ADGRG1: variants seen among roughly 807,000 people sequenced by gnomAD.
ADGRG1 encodes the protein 7-transmembrane protein with no EGF-like N-terminal domains-1.
In ADGRG1, 53 loss-of-function variants were observed where a neutral mutation model predicts 73.5. The ratio of observed to expected loss-of-function variants is 0.72; its 90% CI spans 0.58 to 0.91. ADGRG1 has a LOEUF of 0.91. ADGRG1 is among the 40% of genes least tolerant of loss of function. The pLI, the probability that ADGRG1 is intolerant of heterozygous loss-of-function variation, is 0.00. For missense variants in ADGRG1, 795 were observed against 871.8 expected (o/e 0.91, Z 1.11); for synonymous variants, 394 against 374.4 (o/e 1.05, Z -0.60).
At chr16:57,659,898 C>T (rs1001167608) in intron 11 of ADGRG1, among the ~76,000 whole-genome samples, 5 of 152,192 alleles carry the variant, frequency 3.3e-5, no homozygotes, top group Non-Finnish European at 5.9e-5. Flanking sequence ...TTCTCCACAT[C>T]ACTCACTCCA....
intron 1 of ADGRG1, chr16:57,632,955 A>T: frequency 1.0e-6 from 1 of 985,360 alleles, no homozygotes; most frequent in Non-Finnish European, 1.2e-6. Flanking sequence ...ACTGCAAAAC[A>T]AGGAACAGTG....
chr16:57,629,950 G>T, intron 1 of ADGRG1: 1 of 967,512 alleles, frequency 1.0e-6, no homozygotes, highest in Non-Finnish European at 1.2e-6. Flanking sequence ...ATGGGTCAAG[G>T]CAGGGGCCTC....
rs1000626188 is a variant in ADGRG1 at position 57,629,046 on chromosome 16, G to C, written c.-36+244G>C. On this transcript the variant is annotated intron_variant, in intron 1 of 13. Transcript: ENST00000562631. ...CGTTTGAGTGTGAGAGTGTGAGTGA[G>C]TGTGTGTGAGTATGAGTGTGAGTGT... The C allele has an allele frequency of 9.9e-6, 5 of 503,778 alleles. No individual in the cohort carries two copies. In the African/African-American group the frequency reaches 1.2e-4, roughly 12 times the overall value. The allele number at this position is 503,778 out of a possible 1,614,324, so 31.2% of individuals were successfully genotyped here. A position where few individuals can be genotyped will look rare whatever the true frequency, so the allele number is the denominator to read the frequency against.
At position 57,652,871 on chromosome 16, in the gene ADGRG1, C is replaced by T. The variant is rs1360090253; in HGVS notation, c.488-332C>T. On this transcript the variant is annotated intron_variant, in intron 3 of 13. Transcript: ENST00000562631. ...GAGTCCCAGGAACCACCACCAAGCC[C>T]CGCACATCCCTCCTAAGGAGGCCTG... The T allele has an allele frequency of 3.4e-6, 4 of 1,176,702 alleles. No individual in the cohort carries two copies. In the African/African-American group the frequency reaches 6.4e-5, roughly 19 times the overall value. 72.9% of individuals were successfully genotyped at this position (1,176,702 alleles called of 1,614,324 possible).
chr16:57,641,803 G>T (rs140860620), intron 1 of ADGRG1: 6 of 164,560 alleles, frequency 3.6e-5, no homozygotes, highest in East Asian at 3.8e-4. Flanking sequence ...GGCCTCAAAT[G>T]ATCTGCCCAC....
chr16:57,644,043 C>A, intron 1 of ADGRG1: 1 of 985,350 alleles, frequency 1.0e-6, no homozygotes, highest in Non-Finnish European at 1.2e-6. Context: ...GGAGGGTCCT[C>A]TCAGACGCCA....
chr16:57,629,128 C>T (rs1367308403), intron 1 of ADGRG1: 1 of 973,904 alleles, frequency 1.0e-6, no homozygotes, highest in Admixed American at 6.3e-5. Context: ...GCACGGGTGG[C>T]TGTTGGACAG....
chr16:57,633,028 C>A, intron 1 of ADGRG1: 1 of 840,744 alleles, frequency 1.2e-6, no homozygotes, highest in Non-Finnish European at 1.4e-6. Flanking sequence ...GGTCTCTGTC[C>A]TCCTAGTACC....
chr16:57,649,286 C>G (rs2043440808), intron 1 of ADGRG1, among the ~76,000 whole-genome samples: 1 of 152,156 alleles, frequency 6.6e-6, no homozygotes, highest in Non-Finnish European at 1.5e-5. Context: ...ACTGTCCATC[C>G]CCACAGCCTT....
chr16:57,643,458 C>G (rs1174410698), intron 1 of ADGRG1: 1 of 585,098 alleles, frequency 1.7e-6, no homozygotes, highest in African/African-American at 2.0e-5. Context: ...CCCTTTGTCA[C>G]TCTTCCCACA....
At chr16:57,650,402 C>A in intron 2 of ADGRG1, 51 bp downstream of exon 2, 1 of 1,610,620 alleles carries the variant, frequency 6.2e-7, no homozygotes. Context: ...GTTAAAATGC[C>A]CCTGTGCCTA....
rs57711689 is a variant in ADGRG1 at position 57,649,057 on chromosome 16, G to T, written c.-35-1196G>T. 0.018 allele frequency among the ~76,000 whole-genome samples: 2,758 copies of T among 152,318 alleles called. 189 individuals are homozygous for T. In the East Asian group the frequency reaches 0.23, roughly 13 times the overall value. On this transcript the variant is annotated intron_variant, in intron 1 of 13. Coordinates refer to ENST00000562631, the MANE Select transcript of ADGRG1 (RefSeq NM_201525.4). ...ACACAGAGGCTGGCAGATAGTAGCC[G>T]CTCAGCTAATAGAGAGCTTAGGGGG...
At chr16:57,647,335 G>A (rs1289882099) in intron 1 of ADGRG1, 23 of 983,478 alleles carry the variant, frequency 2.3e-5, no homozygotes, top group Non-Finnish European at 2.5e-5. Context: ...GTGCTCTGGT[G>A]GGTGAGCTGG....
intron 1 of ADGRG1, chr16:57,645,331 C>A: frequency 1.0e-6 from 1 of 985,310 alleles, no homozygotes; most frequent in Non-Finnish European, 1.2e-6. Context: ...AGATTGCCTC[C>A]GGGGCTCCCT....
chr16:57,651,881 C>T, intron 3 of ADGRG1: 1 of 1,420,828 alleles, frequency 7.0e-7, no homozygotes, highest in Non-Finnish European at 9.2e-7. Context: ...GATGGAAGGG[C>T]AAGGGCCCGT....
rs1481936790 is a variant in ADGRG1, at chr16:57,658,339, C to T, written c.1286+848C>T. Among the ~76,000 whole-genome samples the T allele has an allele frequency of 2.6e-5, 4 of 152,146 alleles. No individual in the cohort carries two copies. In the South Asian group the frequency reaches 6.2e-4, roughly 24 times the overall value. On this transcript the variant is annotated intron_variant, in intron 10 of 13. Coordinates refer to ENST00000562631, the MANE Select transcript of ADGRG1 (RefSeq NM_201525.4). ...ACACTCAGAGAGGGTAAGTGACTTGCTTGAGGTCACACAGCAAGGAAGTGG... is the reference window on the plus strand; with the variant it reads ...ACACTCAGAGAGGGTAAGTGACTTGTTTGAGGTCACACAGCAAGGAAGTGG...
intron 1 of ADGRG1, chr16:57,636,707 T>A (rs2039462751): frequency 1.0e-6 from 1 of 984,874 alleles, no homozygotes; most frequent in Admixed American, 6.2e-5. Flanking sequence ...GAGTCCCAGC[T>A]CCGTCTCAGT....
At chr16:57,657,721 A>ATTTATT (rs779542921) in intron 10 of ADGRG1, among the ~76,000 whole-genome samples, 12 of 151,932 alleles carry the variant, frequency 7.9e-5, no homozygotes, top group Non-Finnish European at 1.0e-4. Flanking sequence ...CATTGTATTT[A>ATTTATT]TTTATTTTTA....
At chr16:57,634,355 G>C in intron 1 of ADGRG1, 1 of 985,386 alleles carries the variant, frequency 1.0e-6, no homozygotes, top group Non-Finnish European at 1.2e-6. Context: ...CCTGAGTCAT[G>C]CTCAGCCCTG....
Sources: allele counts gnomAD v4.1 joint callset (sites outside exome capture counted in the v4.1 genomes callset), GRCh38; gene constraint gnomAD v4.1.1; transcripts MANE v1.5; gene names NCBI Gene and HGNC (gene_info 2026-07-23, HGNC 2026-07-21).